The following SLC5A11 variants were observed in gnomAD, a reference collection of about 807,000 sequenced individuals.
SLC5A11 encodes the protein sodium/myo-inositol cotransporter 2.
In SLC5A11, 48 loss-of-function variants were observed where a neutral mutation model predicts 69.8. The observed-to-expected ratio is 0.69, with a 90% CI of 0.55 to 0.87. The LOEUF (loss-of-function observed/expected upper bound fraction) is 0.87, where lower values mean the gene tolerates loss of function less well. Among genes scored for constraint, SLC5A11 ranks in the 40% least tolerant of loss-of-function variants. The pLI, the probability that SLC5A11 is intolerant of heterozygous loss-of-function variation, is 0.00. For missense variants in SLC5A11, 784 were observed against 866.1 expected (o/e 0.91, Z 1.19); for synonymous variants, 319 against 342.4 (o/e 0.93, Z 0.75).
intron 1 of SLC5A11, among the ~76,000 whole-genome samples, chr16:24,847,271 C>T (rs1363072696): frequency 7.0e-6 from 1 of 143,734 alleles, no homozygotes; most frequent in Non-Finnish European, 1.5e-5. Context: ...CCTCCCACCT[C>T]TCTGTTTCTC....
At chr16:24,900,238 A>G (rs761731988) in intron 10 of SLC5A11, among the ~76,000 whole-genome samples, 1 of 152,192 alleles carries the variant, frequency 6.6e-6, no homozygotes, top group Admixed American at 6.5e-5. Flanking sequence ...CAAGGATGTT[A>G]TTAACTAAAG....
chr16:24,852,045 T>C (rs1039621569), intron 1 of SLC5A11, among the ~76,000 whole-genome samples: 1 of 149,034 alleles, frequency 6.7e-6, no homozygotes, highest in Non-Finnish European at 1.5e-5. Flanking sequence ...CTAATGTGTT[T>C]GATACTCATC....
intron 1 of SLC5A11, among the ~76,000 whole-genome samples, chr16:24,850,632 A>G (rs1170921005): frequency 6.6e-6 from 1 of 152,056 alleles, no homozygotes; most frequent in African/African-American, 2.4e-5. Context: ...TCTAGAGTTA[A>G]ACCTGGGTTG....
At chr16:24,881,839 AC>A (rs1163972142) in intron 7 of SLC5A11, among the ~76,000 whole-genome samples, 2 of 126,300 alleles carry the variant, frequency 1.6e-5, no homozygotes, top group Admixed American at 8.3e-5. Flanking sequence ...CTAAGCAGCA[AC>A]CCTGGTGGTA....
chr16:24,910,229 T>G, intron 14 of SLC5A11, 77 bp from the exon 16 acceptor site: 1 of 1,463,604 alleles, frequency 6.8e-7, no homozygotes, highest in Non-Finnish European at 9.4e-7. Context: ...TGGGGTTGGG[T>G]GGGGAGTGTG....
intron 4 of SLC5A11, among the ~76,000 whole-genome samples, chr16:24,870,506 G>A (rs1226059641): frequency 2.7e-5 from 4 of 150,862 alleles, no homozygotes; most frequent in South Asian, 4.2e-4. Context: ...TGGGTTGGGC[G>A]CGATGGCTCA....
exon 2 of SLC5A11, chr16:24,858,771 G>A (rs745718800): frequency 1.9e-6 from 3 of 1,611,370 alleles, no homozygotes; most frequent in Non-Finnish European, 2.5e-6. Context: ...CTGGCTGTTG[G>A]ACTATGGGTA....
At position 24,907,948 on chromosome 16, in the gene SLC5A11, C is replaced by T. The variant is rs747649618; in HGVS notation, c.1266-15C>T. On this transcript the variant is annotated splice_polypyrimidine_tract_variant and intron_variant, in intron 12 of 15. Transcript: ENST00000347898. Reference sequence around the variant, plus strand: ...TCAGATGATGCTAATTTGTGCCTCTCGCCGCCGGCACCAGGGTGTTTGTGC... The same window carrying T: ...TCAGATGATGCTAATTTGTGCCTCTTGCCGCCGGCACCAGGGTGTTTGTGC... The T allele has an allele frequency of 2.7e-5, 43 of 1,613,402 alleles. No homozygotes were observed. Among genetic ancestry groups the T allele is most frequent in the Non-Finnish European group, 3.3e-5 (39 of 1,179,754 alleles).
At chr16:24,907,302 T>G in intron 12 of SLC5A11, 127 bp downstream of exon 13, 1 of 1,037,922 alleles carries the variant, frequency 9.6e-7, no homozygotes, top group East Asian at 2.4e-5. Flanking sequence ...TGCAAGACAT[T>G]CATTCATTCA....
exon 12 of SLC5A11, chr16:24,907,153 A>G (rs775072785): frequency 6.2e-7 from 1 of 1,614,090 alleles, no homozygotes; most frequent in Non-Finnish European, 8.5e-7. Flanking sequence ...GGCATCTGAG[A>G]AGGAGCTCAT....
At chr16:24,898,410 A>T (rs944160224) in intron 10 of SLC5A11, among the ~76,000 whole-genome samples, 8 of 151,434 alleles carry the variant, frequency 5.3e-5, no homozygotes, top group African/African-American at 1.9e-4. Flanking sequence ...CTGTCTTGCT[A>T]TGTTGCTCAG....
chr16:24,883,307 G>GGCCC (rs2048167146), intron 7 of SLC5A11, among the ~76,000 whole-genome samples: 1 of 152,164 alleles, frequency 6.6e-6, no homozygotes, highest in Admixed American at 6.6e-5. Context: ...CTAGGCTGCA[G>GGCCC]TGAGCTATGA....
chr16:24,857,208 A>G (rs145014854), intron 1 of SLC5A11, among the ~76,000 whole-genome samples: 9 of 152,314 alleles, frequency 5.9e-5, no homozygotes, highest in African/African-American at 2.2e-4. Flanking sequence ...GTTGTTGTCC[A>G]TGGGTGGCTT....
rs147899571 is a variant in SLC5A11, at chr16:24,905,195, G to A, written c.1007-1462G>A. 4.1e-3 allele frequency among the ~76,000 whole-genome samples: 626 copies of A among 151,076 alleles called. 5 individuals are homozygous for A. The highest frequency in any genetic ancestry group is 0.014 in the African/African-American group (587 of 41,046). Reference sequence around the variant, plus strand: ...TCCCAGCACTTTGGGAAGCCAAGGCGGGAGGAACACTTGAGGCCAGGAGGT... The same window carrying A: ...TCCCAGCACTTTGGGAAGCCAAGGCAGGAGGAACACTTGAGGCCAGGAGGT... On this transcript the variant is annotated intron_variant, in intron 10 of 15. Transcript: ENST00000347898.
chr16:24,888,492 T>C (rs984911671), intron 8 of SLC5A11, among the ~76,000 whole-genome samples: 4 of 142,960 alleles, frequency 2.8e-5, no homozygotes, highest in African/African-American at 1.0e-4. Context: ...TTTTTTTTTT[T>C]TTTTTTTTTT....
chr16:24,875,532 T>G, intron 5 of SLC5A11, 95 bp from the exon 7 acceptor site: 1 of 924,580 alleles, frequency 1.1e-6, no homozygotes, highest in Non-Finnish European at 1.7e-6. Context: ...TGCTCTGAGT[T>G]GCGGGGGCAG....
intron 6 of SLC5A11, 121 bp from the exon 8 acceptor site, chr16:24,877,137 T>C: frequency 2.0e-6 from 3 of 1,528,972 alleles, no homozygotes; most frequent in African/African-American, 1.4e-5. Context: ...GGATGACGTA[T>C]GACTCTTCTG....
intron 3 of SLC5A11, among the ~76,000 whole-genome samples, chr16:24,863,927 G>A (rs1028753549): frequency 1.3e-5 from 2 of 152,166 alleles, no homozygotes; most frequent in Non-Finnish European, 2.9e-5. Context: ...CTGTTCCCTG[G>A]AAAGCCCCAC....
chr16:24,874,465 C>T (rs899433614), intron 5 of SLC5A11, among the ~76,000 whole-genome samples: 1 of 152,166 alleles, frequency 6.6e-6, no homozygotes, highest in Admixed American at 6.6e-5. Flanking sequence ...ATGAAAATTC[C>T]CTTTCCTGCA....
Sources: allele counts gnomAD v4.1 joint callset (sites outside exome capture counted in the v4.1 genomes callset), GRCh38; gene constraint gnomAD v4.1.1; transcripts MANE v1.5; gene names NCBI Gene and HGNC (gene_info 2026-07-23, HGNC 2026-07-21).